Variants in AKT1 observed in about 807,000 individuals in gnomAD.
The protein encoded by AKT1 is RAC-alpha serine/threonine-protein kinase.
A neutral mutation model predicts 63.1 loss-of-function variants in AKT1; 21 were observed. The observed-to-expected ratio is 0.33, with a 90% confidence interval of 0.24 to 0.48. The LOEUF (loss-of-function observed/expected upper bound fraction) is 0.48. Ranked by LOEUF, AKT1 falls within the 20% of genes least tolerant of loss-of-function variation. The pLI, the probability that AKT1 is intolerant of heterozygous loss-of-function variation, is 0.99. For synonymous variants in AKT1, 257 were observed against 253.1 expected (o/e 1.02, Z -0.15); for missense variants, 382 against 666.0 (o/e 0.57, Z 4.69).
rs1027739408 is a variant in AKT1 at position 104,795,394 on chromosome 14, C to T, written c.-258+90G>A. 6 of 148,410 alleles carry T rather than the reference C, an allele frequency of 4.0e-5. No individual in the cohort carries two copies. Among genetic ancestry groups the T allele is most frequent in the Non-Finnish European group, 7.5e-5 (5 of 66,562 alleles). The allele number at this position is 148,410 out of a possible 1,614,324, so 9.2% of individuals were successfully genotyped here. A position where few individuals can be genotyped will look rare whatever the true frequency, so the allele number is the denominator to read the frequency against. On this transcript the variant is annotated intron_variant, in intron 1 of 14. Coordinates refer to ENST00000649815, the MANE Select transcript of AKT1 (RefSeq NM_001382430.1). This position sits in a 1 kb window ranked among gnomAD's most constrained non-coding sequence, Gnocchi z 5.1. ...CCTCCATTCTGGCGGCGCCGCGGCTCGCGCCCCGGCCCGACCGGCCGCGAA... is the reference window on the plus strand; with the variant it reads ...CCTCCATTCTGGCGGCGCCGCGGCTTGCGCCCCGGCCCGACCGGCCGCGAA...
chr14:104,773,638 G>T, intron 9 of AKT1, 58 bp from the exon 10 acceptor site: 2 of 1,557,268 alleles, frequency 1.3e-6, no homozygotes, highest in Non-Finnish European at 1.7e-6. Flanking sequence ...CCCATGGCCT[G>T]CAGGGCTGGG....
rs61759778 is a variant in AKT1, at chr14:104,787,676, T to C, written c.46+4922A>G. 4.1e-3 allele frequency among the ~76,000 whole-genome samples: 629 copies of C among 152,322 alleles called. 5 individuals are homozygous for C. The highest frequency in any genetic ancestry group is 0.015 in the African/African-American group (606 of 41,574). The stretch of plus-strand genomic sequence containing the variant: ...GGGGGTCTAGGCCCCAGCACAGGAA[T>C]CATTCCACCCACATTCTGTCCACTC... On this transcript the variant is annotated intron_variant, in intron 3 of 14. Transcript: ENST00000649815.
At chr14:104,773,850 C>G (rs1892545361) in intron 9 of AKT1, 62 bp downstream of exon 9, 1 of 1,499,716 alleles carries the variant, frequency 6.7e-7, no homozygotes, top group Non-Finnish European at 9.1e-7. Context: ...CCGGGAAGGA[C>G]CGGCCCCACC....
At chr14:104,782,842 TTC>T (rs1566822468) in intron 3 of AKT1, among the ~76,000 whole-genome samples, 2 of 152,130 alleles carry the variant, frequency 1.3e-5, no homozygotes. Flanking sequence ...AGACACACAG[TTC>T]TCTTTCTTCA....
chr14:104,777,334 CACAT>C (rs1221181775), intron 4 of AKT1: 1 of 226,104 alleles, frequency 4.4e-6, no homozygotes, highest in African/African-American at 2.4e-5. Context: ...ACCTGGGGCA[CACAT>C]ACATCTGGGG....
At chr14:104,788,363 G>A (rs1005492940) in intron 3 of AKT1, among the ~76,000 whole-genome samples, 7 of 152,292 alleles carry the variant, frequency 4.6e-5, no homozygotes, top group African/African-American at 1.4e-4. Flanking sequence ...TCATCCTGGC[G>A]GGGTAATGAG....
chr14:104,776,060 CCGCCCCCCAGCAGGACTCCG>C, intron 5 of AKT1: 1 of 405,540 alleles, frequency 2.5e-6, no homozygotes. Flanking sequence ...CAGCAGGACT[CCGCCCCCCAGCAGGACTCCG>C]CCCCCCCCAA....
intron 3 of AKT1, among the ~76,000 whole-genome samples, chr14:104,791,047 C>G (rs1045119033): frequency 9.2e-5 from 14 of 152,310 alleles, no homozygotes; most frequent in African/African-American, 3.1e-4. Flanking sequence ...AATCACCTGG[C>G]CTCGGGGGAG....
At chr14:104,789,135 C>T (rs1893493968) in intron 3 of AKT1, among the ~76,000 whole-genome samples, 2 of 152,224 alleles carry the variant, frequency 1.3e-5, no homozygotes, top group African/African-American at 2.4e-5. Flanking sequence ...TCTCGGACAG[C>T]GACCAGCCTG....
intron 3 of AKT1, among the ~76,000 whole-genome samples, chr14:104,782,715 G>A (rs969851430): frequency 6.6e-6 from 1 of 151,950 alleles, no homozygotes. Flanking sequence ...CCTACCCCAG[G>A]AGACGGGTGT....
Position 104,791,523 on chromosome 14 carries a change from A to C in AKT1, c.46+1075T>G, listed in dbSNP as rs372991072. ...AAACACTCCAAACACACAGCCAGCC[A>C]CACCCCTGATTCCCCCAGCATCTCA... On this transcript the variant is annotated intron_variant, in intron 3 of 14. Coordinates refer to ENST00000649815, the MANE Select transcript of AKT1 (RefSeq NM_001382430.1). 2.2e-4 allele frequency among the ~76,000 whole-genome samples: 33 copies of C among 152,212 alleles called. No homozygotes were observed. In the East Asian group the frequency reaches 5.4e-3, roughly 25 times the overall value.
rs1384524625 is a variant in AKT1, at chr14:104,780,200, G to A, written c.63C>T (p.Thr21=). ...TGAGGAGGAAGTAGCGTGGCCGCCA[G>A]GTCTTGATGTACTCCCCTACAGACG... The part of the protein sequence containing the change: ...WLHKRGEYIK[T]WRPRYFLLKN... Residue 21 remains threonine (T), a synonymous_variant, in exon 4 of 15, where the codon ACC becomes ACT. Transcript: ENST00000649815. The A allele has an allele frequency of 1.2e-6, 2 of 1,613,340 alleles. No individual in the cohort carries two copies. Among genetic ancestry groups the A allele is most frequent in the Admixed American group, 1.7e-5 (1 of 59,990 alleles).
In AKT1 at chr14:104,780,072, C is replaced by CCAAGGGGATACTTACGCGCCA. The variant is rs1892947630; in HGVS notation, c.170_175+15dup. 1 of 1,612,234 alleles carries CCAAGGGGATACTTACGCGCCA rather than the reference C, an allele frequency of 6.2e-7. No homozygotes were observed. The highest frequency in any genetic ancestry group is 8.5e-7 in the Non-Finnish European group (1 of 1,179,248). On this transcript the variant is annotated intron_variant, in intron 4 of 14. Transcript: ENST00000649815. ...CCCCCCAAATCTGAATCCCGAGAGG[C>CCAAGGGGATACTTACGCGCCA]CAAGGGGATACTTACGCGCCACAGA...
chr14:104,773,611 T>C lies in AKT1; in HGVS notation c.703-31A>G, dbSNP rs1437724004. On this transcript the variant is annotated intron_variant, in intron 9 of 14. Transcript: ENST00000649815. ...GGAGGCGCAACCTGAGGCACAGCCG[T>C]GGCTCGGGCCTCTGCCCCCATGGCC... The C allele has an allele frequency of 1.9e-6, 3 of 1,586,754 alleles. No individual in the cohort carries two copies. The Admixed American group carries it at 5.4e-5, about 29-fold the overall frequency.
At position 104,773,162 on chromosome 14, in the gene AKT1, C is replaced by T. The variant is rs935586799; in HGVS notation, c.958-70G>A. 131 of 1,609,654 alleles carry T rather than the reference C, an allele frequency of 8.1e-5. 2 individuals carry two copies. In the East Asian group the frequency reaches 1.9e-3, roughly 23 times the overall value. The stretch of plus-strand genomic sequence containing the variant: ...CGGGACACTGCCGGGGGAGGTGTGA[C>T]GTGCTTGGGGCACAGAGAGGACACA... On this transcript the variant is annotated intron_variant, in intron 11 of 14. Coordinates refer to ENST00000649815, the MANE Select transcript of AKT1 (RefSeq NM_001382430.1).
chr14:104,785,466 G>A (rs912610114), intron 3 of AKT1, among the ~76,000 whole-genome samples: 11 of 152,234 alleles, frequency 7.2e-5, no homozygotes, highest in African/African-American at 2.7e-4. Flanking sequence ...CAAGTGGCCA[G>A]TCTGCACAAG....
At chr14:104,779,602 G>A (rs1892912325) in intron 4 of AKT1, among the ~76,000 whole-genome samples, 1 of 152,376 alleles carries the variant, frequency 6.6e-6, no homozygotes, top group East Asian at 1.9e-4. Context: ...GGGTCAGCCA[G>A]CCTTGGGACT....
chr14:104,776,661 C>T lies in AKT1; in HGVS notation c.285G>A (p.Glu95=). ...ERTFHVETPE[E]REEWTTAIQT... ...CCTGGCCGCCACAGCCCACGTACCG[C>T]TCCTCAGGAGTCTCCACATGGAAGG... is the stretch of plus-strand genomic sequence containing the variant. Residue 95 remains glutamate, a splice_region_variant and synonymous_variant, in exon 5 of 15, where the codon GAG becomes GAA. Transcript: ENST00000649815. 1.2e-6 allele frequency: 2 copies of T among 1,612,766 alleles called. No individual in the cohort carries two copies. Among genetic ancestry groups the T allele is most frequent in the South Asian group, 1.1e-5 (1 of 91,048 alleles).
chr14:104,791,356 G>A (rs1893617639), intron 3 of AKT1, among the ~76,000 whole-genome samples: 2 of 151,898 alleles, frequency 1.3e-5, no homozygotes, highest in South Asian at 2.1e-4. Flanking sequence ...GACAGCACAC[G>A]GGGAGGGGAT....
Sources: allele counts gnomAD v4.1 joint callset (sites outside exome capture counted in the v4.1 genomes callset), GRCh38; gene constraint gnomAD v4.1.1; non-coding constraint Gnocchi (gnomAD v3.1); transcripts MANE v1.5; gene names NCBI Gene and HGNC (gene_info 2026-07-23, HGNC 2026-07-21).